The following FLNB variants were observed in gnomAD, a reference collection of about 807,000 sequenced individuals.
FLNB encodes filamin-B.
A neutral mutation model predicts 250.6 loss-of-function variants in FLNB; 111 were observed. The observed-to-expected ratio is 0.44, with a 90% CI of 0.38 to 0.52. FLNB has a LOEUF of 0.52. Among genes scored for constraint, FLNB ranks in the 20% least tolerant of loss-of-function variants. The pLI is 0.00. For synonymous variants in FLNB, 1,302 were observed against 1,372.1 expected (o/e 0.95, Z 1.13); for missense variants, 2,869 against 3,447.8 (o/e 0.83, Z 4.20).
chr3:58,118,417 G>A (rs1443301092), intron 18 of FLNB, among the ~76,000 whole-genome samples: 1 of 152,150 alleles, frequency 6.6e-6, no homozygotes, highest in Non-Finnish European at 1.5e-5. Context: ...GGGAGGTGGT[G>A]TGGCAGAGCA....
At chr3:58,092,254 G>T (rs1265072653) in intron 4 of FLNB, among the ~76,000 whole-genome samples, 1 of 152,164 alleles carries the variant, frequency 6.6e-6, no homozygotes, top group Non-Finnish European at 1.5e-5. Context: ...ATGCAGAACG[G>T]ATGGAGAGAA....
chr3:58,142,876 T>A lies in FLNB; in HGVS notation c.5284+124T>A, dbSNP rs956152631. 9.8e-6 allele frequency: 8 copies of A among 815,356 alleles called. No homozygotes were observed. Among genetic ancestry groups the A allele is most frequent in the Admixed American group, 3.9e-5 (2 of 50,636 alleles). The allele number at this position is 815,356 out of a possible 1,614,324, so 50.5% of individuals were successfully genotyped here. Reference sequence around the variant, plus strand: ...CTCCTTAACCCAGGGTCACGAGTTCTTGGTCTCCGGTGTTGGGCCGTGGGC... The same window carrying A: ...CTCCTTAACCCAGGGTCACGAGTTCATGGTCTCCGGTGTTGGGCCGTGGGC... On this transcript the variant is annotated intron_variant, in intron 31 of 45. Transcript: ENST00000295956. The surrounding 1 kb of genome is among the most constrained non-coding windows in gnomAD (Gnocchi z 4.3).
intron 1 of FLNB, among the ~76,000 whole-genome samples, chr3:58,056,101 ATTTATTT>A (rs1239923656): frequency 7.6e-6 from 1 of 131,142 alleles, no homozygotes; most frequent in Non-Finnish European, 1.5e-5. Flanking sequence ...TTATTTATTT[ATTTATTT>A]TTTTTTTTTT....
chr3:58,158,429 G>C (rs550038876), intron 41 of FLNB, among the ~76,000 whole-genome samples: 2 of 152,294 alleles, frequency 1.3e-5, no homozygotes, highest in East Asian at 3.9e-4. Context: ...TTGCCATGAA[G>C]ATGTGGTTCT....
rs1162165766 is a variant in FLNB, at chr3:58,142,344, G to T, written c.5182-306G>T. Among the ~76,000 whole-genome samples, 1 of 152,184 alleles carries T rather than the reference G, an allele frequency of 6.6e-6. No homozygotes were observed. Among genetic ancestry groups the T allele is most frequent in the Non-Finnish European group, 1.5e-5 (1 of 68,030 alleles). ...CACAAGCAACTAAACCTTTCCAGAT[G>T]GAGCCTCTTGGGACTCATAGACATT... On this transcript the variant is annotated intron_variant, in intron 30 of 45. Transcript: ENST00000295956. The surrounding 1 kb of genome is among the most constrained non-coding windows in gnomAD (Gnocchi z 4.3).
At chr3:58,086,351 G>A (rs2097217380) in intron 4 of FLNB, among the ~76,000 whole-genome samples, 1 of 151,956 alleles carries the variant, frequency 6.6e-6, no homozygotes, top group Admixed American at 6.6e-5. Context: ...CATAACCTGA[G>A]TGTTATGTAA....
chr3:58,017,063 A>T (rs916046747), intron 1 of FLNB, among the ~76,000 whole-genome samples: 1 of 152,118 alleles, frequency 6.6e-6, no homozygotes, highest in African/African-American at 2.4e-5. Flanking sequence ...CTAACTTTTC[A>T]TGGGAAACTG....
At chr3:58,136,710 T>C (rs180792840) in intron 28 of FLNB, among the ~76,000 whole-genome samples, 6 of 150,658 alleles carry the variant, frequency 4.0e-5, no homozygotes, top group African/African-American at 1.5e-4. Flanking sequence ...TTTCCTTCAG[T>C]TTCTAAGACA....
chr3:58,123,418 C>A lies in FLNB; in HGVS notation c.3452C>A (p.Ala1151Asp). ...PGLEHGKVGE[A>D]GLLSVDCSEA... is the part of the protein sequence containing the mutation. ...CTCGAGCACGGGAAGGTGGGTGAAG[C>A]TGGCCTCCTTAGCGTCGACTGCTCG... Residue 1151 changes from alanine to aspartate, a missense_variant, in exon 21 of 46, where the codon GCT becomes GAT. This residue lies in a region of FLNB where 1,348 missense variants were observed against 1,466.7 expected (regional missense o/e 0.92). Transcript: ENST00000295956. The A allele has an allele frequency of 5.6e-6, 9 of 1,614,016 alleles. No homozygotes were observed. Among genetic ancestry groups the A allele is most frequent in the Non-Finnish European group, 7.6e-6 (9 of 1,179,926 alleles).
chr3:58,074,139 G>C (rs2097198531), intron 1 of FLNB, among the ~76,000 whole-genome samples: 1 of 152,182 alleles, frequency 6.6e-6, no homozygotes, highest in East Asian at 1.9e-4. Flanking sequence ...AACAGAATAT[G>C]GAATGATCAG....
At chr3:58,044,762 T>C (rs938478030) in intron 1 of FLNB, among the ~76,000 whole-genome samples, 1 of 152,196 alleles carries the variant, frequency 6.6e-6, no homozygotes, top group South Asian at 2.1e-4. Context: ...GATCAGCACC[T>C]TGGGACCCCC....
rs1575447350 is a variant in FLNB at position 58,138,564 on chromosome 3, T to G, written c.5109+35T>G. 4 of 1,613,314 alleles carry G rather than the reference T, an allele frequency of 2.5e-6. No homozygotes were observed. The South Asian group carries it at 3.3e-5, about 13-fold the overall frequency. On this transcript the variant is annotated intron_variant, in intron 29 of 45. Coordinates refer to ENST00000295956, the MANE Select transcript of FLNB (RefSeq NM_001457.4). ...ATTCCTTCTCCCGAGCATGCTGTTA[T>G]TGGTGGAAACTGTAACAGCTGCCGT...
intron 4 of FLNB, among the ~76,000 whole-genome samples, chr3:58,090,213 C>T (rs1016638432): frequency 4.0e-5 from 6 of 151,668 alleles, no homozygotes; most frequent in African/African-American, 1.2e-4. Flanking sequence ...ATCATTATCA[C>T]TATCTTCCAC....
rs767864936 is a variant in FLNB at position 58,163,255 on chromosome 3, G to T, written c.7123G>T (p.Val2375Phe). Reference protein sequence around the residue: ...HVVGSPFKVRVGEPGQAGNPA... With the variant: ...HVVGSPFKVRFGEPGQAGNPA... Reference sequence around the variant, plus strand: ...GGTTGGAAGCCCCTTCAAAGTGCGCGTTGGGGAGCCTGGACAAGCGGGGAA... The same window carrying T: ...GGTTGGAAGCCCCTTCAAAGTGCGCTTTGGGGAGCCTGGACAAGCGGGGAA... Residue 2375 changes from valine (V) to phenylalanine (F), a missense_variant, in exon 43 of 46, where the codon GTT becomes TTT. Physicochemically the swap from Val to Phe is conservative, Grantham distance 50 (BLOSUM62 -1). Around this residue, in one of 5 missense-constraint regions of FLNB, gnomAD observed 1,084 missense variants for 1,315.5 expected, o/e 0.82. Transcript: ENST00000295956. 6.2e-7 allele frequency: 1 copy of T among 1,614,256 alleles called. No homozygotes were observed. The highest frequency in any genetic ancestry group is 8.5e-7 in the Non-Finnish European group (1 of 1,180,044).
rs757107262 is a variant in FLNB, at chr3:58,138,551, G to A, written c.5109+22G>A. 1.1e-5 allele frequency: 17 copies of A among 1,613,754 alleles called. 1 individual carries two copies. The highest frequency in any genetic ancestry group is 2.2e-5 in the South Asian group (2 of 91,052). ...CATGGTAAGGAAAATTCCTTCTCCC[G>A]AGCATGCTGTTATTGGTGGAAACTG... is the stretch of plus-strand genomic sequence containing the variant. On this transcript the variant is annotated intron_variant, in intron 29 of 45. Transcript: ENST00000295956.
intron 1 of FLNB, among the ~76,000 whole-genome samples, chr3:58,017,042 A>G (rs1664334116): frequency 6.6e-6 from 1 of 152,164 alleles, no homozygotes; most frequent in South Asian, 2.1e-4. Context: ...TTGTATTTTT[A>G]AGGTGCCTAA....
chr3:58,008,576 C>G lies in FLNB; in HGVS notation c.12C>G (p.Thr4=). The change falls in exon 1 of 46, where the codon ACC becomes ACG. Residue 4 remains threonine (T), a synonymous_variant. Coordinates refer to ENST00000295956, the MANE Select transcript of FLNB (RefSeq NM_001457.4). Reference sequence around the variant, plus strand: ...TCCCCGCCACCAGGATGCCGGTAACCGAGAAGGATCTAGCTGAGGACGCGC... The same window carrying G: ...TCCCCGCCACCAGGATGCCGGTAACGGAGAAGGATCTAGCTGAGGACGCGC... MPV[T]EKDLAEDAPW... The G allele has an allele frequency of 1.3e-6, 2 of 1,597,952 alleles. No homozygotes were observed. Among genetic ancestry groups the G allele is most frequent in the Non-Finnish European group, 1.7e-6 (2 of 1,173,098 alleles).
At chr3:58,061,949 G>A (rs921406775) in intron 1 of FLNB, among the ~76,000 whole-genome samples, 4 of 151,808 alleles carry the variant, frequency 2.6e-5, no homozygotes, top group African/African-American at 9.7e-5. Context: ...AAATTAGCTG[G>A]GCATGATGGG....
chr3:58,141,745 T>C, intron 29 of FLNB, 113 bp from the exon 30 acceptor site: 1 of 987,708 alleles, frequency 1.0e-6, no homozygotes, highest in Non-Finnish European at 1.6e-6. Flanking sequence ...CTAGAGTGAG[T>C]GGCTCACTGC....
Sources: gnomAD v4.1 joint callset for allele counts (sites outside exome capture counted in the v4.1 genomes callset) on GRCh38, gnomAD v4.1.1 for gene constraint, gnomAD v4.1.1 regional missense constraint, Gnocchi (gnomAD v3.1) non-coding constraint, MANE v1.5 for transcripts, NCBI Gene and HGNC (gene_info 2026-07-23, HGNC 2026-07-21) for gene names.